The following ITGAL variants were observed in gnomAD, a reference collection of about 807,000 sequenced individuals.
ITGAL encodes integrin alpha-L.
Under a neutral mutation model 138.4 loss-of-function variants are expected in ITGAL, and 68 were observed. The ratio of observed to expected loss-of-function variants is 0.49; its 90% CI spans 0.40 to 0.60. The LOEUF (loss-of-function observed/expected upper bound fraction) is 0.60. Ranked by LOEUF, ITGAL falls within the 20% of genes least tolerant of loss-of-function variation. The pLI, the probability that ITGAL is intolerant of heterozygous loss-of-function variation, is 0.00. For synonymous variants in ITGAL, 561 were observed against 584.3 expected (o/e 0.96, Z 0.57); for missense variants, 1,256 against 1,478.6 (o/e 0.85, Z 2.47).
At position 30,505,438 on chromosome 16, in the gene ITGAL, TGA is replaced by T; in HGVS notation, c.2346_2347del (p.Arg782SerfsTer27). The T allele has an allele frequency of 6.2e-7, 1 of 1,613,956 alleles. No homozygotes were observed. The highest frequency in any genetic ancestry group is 8.5e-7 in the Non-Finnish European group (1 of 1,179,960). On this transcript the variant is annotated frameshift_variant, in exon 20 of 31. Coordinates refer to ENST00000356798, the MANE Select transcript of ITGAL (RefSeq NM_002209.3). LOFTEE classifies it high-confidence loss of function. The stretch of plus-strand genomic sequence containing the variant: ...GAGGACAAGAAGTGTGAGGCAAACT[TGA>T]GAGTGTCCTTCTCTCCTGCAAGGTC...
chr16:30,480,601 C>T (rs1389793887), intron 6 of ITGAL: 1 of 152,168 alleles, frequency 6.6e-6, no homozygotes, highest in Admixed American at 6.6e-5. Context: ...CATGAGGGAG[C>T]AAGGTTTATT....
At chr16:30,483,701 C>T (rs1269480913) in intron 7 of ITGAL, 126 bp from the exon 8 acceptor site, 5 of 1,052,004 alleles carry the variant, frequency 4.8e-6, no homozygotes, top group East Asian at 4.9e-5. Context: ...CTTGGAATCC[C>T]GGCCTGGGAG....
intron 2 of ITGAL, 116 bp downstream of exon 2, chr16:30,474,414 G>C: frequency 1.4e-6 from 1 of 690,958 alleles, no homozygotes; most frequent in Non-Finnish European, 2.5e-6. Flanking sequence ...CAGCTCTCCA[G>C]GGGTTCCCGT....
At chr16:30,480,593 T>C (rs1408485531) in intron 6 of ITGAL, 2 of 152,198 alleles carry the variant, frequency 1.3e-5, no homozygotes, top group African/African-American at 2.4e-5. Flanking sequence ...CAGTGTTACA[T>C]GAGGGAGCAA....
rs1202629082 is a variant in ITGAL, at chr16:30,516,988, T to C, written c.2878T>C (p.Ser960Pro). Residue 960 changes from serine (S) to proline (P), a missense_variant, in exon 26 of 31, where the codon TCC becomes CCC. Physicochemically the swap from Ser to Pro is moderately conservative, Grantham distance 74 (BLOSUM62 -1). Coordinates refer to ENST00000356798, the MANE Select transcript of ITGAL (RefSeq NM_002209.3). ...KHMYQVRIQP[S>P]IHDHNIPTLE... ...TCTGTGCCAGGTGAGGATCCAGCCT[T>C]CCATCCACGACCACAACATACCCAC... The C allele has an allele frequency of 6.2e-7, 1 of 1,613,128 alleles. No homozygotes were observed. The highest frequency in any genetic ancestry group is 8.5e-7 in the Non-Finnish European group (1 of 1,179,308).
At chr16:30,506,937 C>A in intron 21 of ITGAL, 81 bp downstream of exon 21, 1 of 1,507,012 alleles carries the variant, frequency 6.6e-7, no homozygotes, top group South Asian at 1.2e-5. Flanking sequence ...GCAGCCAGGA[C>A]AGCCTGAACA....
chr16:30,493,745 T>C (rs560021459), intron 11 of ITGAL, among the ~76,000 whole-genome samples: 70 of 152,172 alleles, frequency 4.6e-4, no homozygotes, highest in African/African-American at 1.6e-3. Flanking sequence ...CAAAAAATTA[T>C]CTGGGTGTGG....
At position 30,483,963 on chromosome 16, in the gene ITGAL, G is replaced by A; in HGVS notation, c.855+4G>A. Reference sequence around the variant, plus strand: ...CATCATCCGCTACATCATCGGGGTAGGGCCCCTGCTGCTTCCTGCATCATA... The same window carrying A: ...CATCATCCGCTACATCATCGGGGTAAGGCCCCTGCTGCTTCCTGCATCATA... On this transcript the variant is annotated splice_donor_region_variant and intron_variant, in intron 8 of 30. Coordinates refer to ENST00000356798, the MANE Select transcript of ITGAL (RefSeq NM_002209.3). The A allele has an allele frequency of 6.2e-7, 1 of 1,610,294 alleles. No individual in the cohort carries two copies. Among genetic ancestry groups the A allele is most frequent in the Non-Finnish European group, 8.5e-7 (1 of 1,176,894 alleles).
chr16:30,511,135 G>A lies in ITGAL; in HGVS notation c.2785G>A (p.Asp929Asn). ...GTACCCCATCAACATCCTCATCCAG[G>A]AGTAAGTTCTTCCCAGCAGACAGCC... is the stretch of plus-strand genomic sequence containing the variant. ...ILYPINILIQ[D>N]QEDSTLYVSF... Residue 929 changes from aspartate (D) to asparagine (N), a missense_variant and splice_region_variant, in exon 24 of 31, where the codon GAC (aspartate) becomes AAC (asparagine). Transcript: ENST00000356798. The A allele has an allele frequency of 6.2e-7, 1 of 1,611,592 alleles. No individual in the cohort carries two copies. The highest frequency in any genetic ancestry group is 8.5e-7 in the Non-Finnish European group (1 of 1,177,846).
At position 30,494,599 on chromosome 16, in the gene ITGAL, A is replaced by T; in HGVS notation, c.1366-114A>T. 7.4e-7 allele frequency: 1 copy of T among 1,343,124 alleles called. No homozygotes were observed. The highest frequency in any genetic ancestry group is 1.0e-6 in the Non-Finnish European group (1 of 997,990). 83.2% of individuals were successfully genotyped at this position (1,343,124 alleles called of 1,614,324 possible). ...CGCACATAGACTAGGGGTGGATCCA[A>T]GATTGGAACCTGCATTTGAGGGAGT... On this transcript the variant is annotated intron_variant, in intron 12 of 30. Coordinates refer to ENST00000356798, the MANE Select transcript of ITGAL (RefSeq NM_002209.3). The surrounding 1 kb of genome is among the most constrained non-coding windows in gnomAD (Gnocchi z 4.2).
chr16:30,484,401 G>A, intron 9 of ITGAL, 138 bp downstream of exon 9: 1 of 764,490 alleles, frequency 1.3e-6, no homozygotes, highest in Non-Finnish European at 2.1e-6. Context: ...TTGAGCTCAG[G>A]AGTTTGAGAC....
chr16:30,497,291 C>G (rs532347020), intron 15 of ITGAL, among the ~76,000 whole-genome samples: 3 of 150,772 alleles, frequency 2.0e-5, no homozygotes, highest in African/African-American at 7.3e-5. Flanking sequence ...TGCAGTGAGC[C>G]GAGATCGCGC....
At chr16:30,514,277 A>ATTT (rs1390944511) in intron 25 of ITGAL, among the ~76,000 whole-genome samples, 1 of 141,348 alleles carries the variant, frequency 7.1e-6, no homozygotes, top group African/African-American at 2.6e-5. Flanking sequence ...TGCCCAGCTA[A>ATTT]TTTTTTTTTT....
At position 30,517,894 on chromosome 16, in the gene ITGAL, A is replaced by G; in HGVS notation, c.3131A>G (p.Glu1044Gly). Residue 1044 changes from glutamate to glycine, a missense_variant and splice_region_variant, in exon 28 of 31, where the codon GAG becomes GGG. Around this residue, in one of 3 missense-constraint regions of ITGAL, gnomAD observed 867 missense variants for 972.5 expected, o/e 0.89. Transcript: ENST00000356798. ...IGTLELVGEIEASSMFSLCSS... is the reference protein window; with the variant it reads ...IGTLELVGEIGASSMFSLCSS... ...ACTCTGGAGCTGGTGGGAGAGATCG[A>G]GGTAGTCCCCGCTCCTAAGAGATGT... 4 of 1,613,542 alleles carry G rather than the reference A, an allele frequency of 2.5e-6. No individual in the cohort carries two copies. The highest frequency in any genetic ancestry group is 3.4e-6 in the Non-Finnish European group (4 of 1,179,854).
intron 1 of ITGAL, 128 bp downstream of exon 1, chr16:30,473,026 C>A: frequency 1.3e-6 from 1 of 791,736 alleles, no homozygotes; most frequent in East Asian, 2.6e-5. Context: ...ATATGGGGCC[C>A]AGGGATCTTG....
At chr16:30,504,128 G>A (rs768256354) in intron 17 of ITGAL, 47 bp from the exon 18 acceptor site, 58 of 1,406,810 alleles carry the variant, frequency 4.1e-5, no homozygotes, top group African/African-American at 9.9e-5. Context: ...TCGGAAGTGC[G>A]GTAAAAGTTA....
intron 11 of ITGAL, among the ~76,000 whole-genome samples, chr16:30,492,617 C>G (rs1040115809): frequency 6.8e-6 from 1 of 147,226 alleles, no homozygotes; most frequent in Non-Finnish European, 1.5e-5. Context: ...AGTGCAGAGG[C>G]GCTATCTCAG....
intron 18 of ITGAL, 92 bp from the exon 19 acceptor site, chr16:30,505,152 G>C: frequency 7.7e-7 from 1 of 1,291,090 alleles, no homozygotes; most frequent in Non-Finnish European, 1.0e-6. Flanking sequence ...GCCCAGTTGA[G>C]CTAAGCCCCT....
In ITGAL at chr16:30,499,335, C is replaced by A; in HGVS notation, c.1994-3C>A. On this transcript the variant is annotated splice_polypyrimidine_tract_variant and splice_region_variant and intron_variant, in intron 16 of 30. Coordinates refer to ENST00000356798, the MANE Select transcript of ITGAL (RefSeq NM_002209.3). The stretch of plus-strand genomic sequence containing the variant: ...TAACTCTTGCCTTTTCCGCCCTGCC[C>A]AGGCCGCCTGGTTGCCAATCTCACT... 1 of 1,614,136 alleles carries A rather than the reference C, an allele frequency of 6.2e-7. No homozygotes were observed. The highest frequency in any genetic ancestry group is 8.5e-7 in the Non-Finnish European group (1 of 1,180,004).
Sources: allele counts gnomAD v4.1 joint callset (sites outside exome capture counted in the v4.1 genomes callset), GRCh38; gene constraint gnomAD v4.1.1; regional missense constraint gnomAD v4.1.1; non-coding constraint Gnocchi (gnomAD v3.1); transcripts MANE v1.5; gene names NCBI Gene and HGNC (gene_info 2026-07-23, HGNC 2026-07-21).